The following NRXN3 variants were observed in gnomAD, a reference collection of about 807,000 sequenced individuals.
NRXN3 encodes neurexin 3.
Under a neutral mutation model 137.6 loss-of-function variants are expected in NRXN3, and 32 were observed. The observed-to-expected ratio is 0.23, with a 90% CI of 0.18 to 0.31. The LOEUF is 0.31. NRXN3 is among the 10% of genes least tolerant of loss of function. The pLI, the probability that NRXN3 is intolerant of heterozygous loss-of-function variation, is 1.00. For synonymous variants in NRXN3, 798 were observed against 784.5 expected (o/e 1.02, Z -0.29); for missense variants, 1,574 against 2,062.5 (o/e 0.76, Z 4.59).
intron 4 of NRXN3, among the ~76,000 whole-genome samples, chr14:78,587,530 G>T (rs767704162): frequency 6.6e-6 from 1 of 152,144 alleles, no homozygotes; most frequent in African/African-American, 2.4e-5. Context: ...TCTTCCAGGC[G>T]ATTCTGATTA....
At chr14:78,591,503 C>T (rs966126962) in intron 4 of NRXN3, among the ~76,000 whole-genome samples, 15 of 152,112 alleles carry the variant, frequency 9.9e-5, no homozygotes, top group African/African-American at 3.6e-4. Context: ...CTGGGCAAGT[C>T]ACTGACACTC....
Position 79,861,060 on chromosome 14 carries a change from T to C in NRXN3, c.4094-282T>C, listed in dbSNP as rs1456107798. On this transcript the variant is annotated intron_variant, in intron 20 of 20. Transcript: ENST00000335750. This position sits in a 1 kb window ranked among gnomAD's most constrained non-coding sequence, Gnocchi z 5.4. ...CCAGGAGGTGAATTAGTTATCCCTCTTCTTGTAGAAGACCCTTTAGCTACC... is the reference window on the plus strand; with the variant it reads ...CCAGGAGGTGAATTAGTTATCCCTCCTCTTGTAGAAGACCCTTTAGCTACC... 7.1e-7 allele frequency: 1 copy of C among 1,418,064 alleles called. No homozygotes were observed. Among genetic ancestry groups the C allele is most frequent in the East Asian group, 2.5e-5 (1 of 39,546 alleles). 87.8% of individuals were successfully genotyped at this position (1,418,064 alleles called of 1,614,324 possible).
At chr14:79,542,073 T>C (rs1447713972) in intron 16 of NRXN3, among the ~76,000 whole-genome samples, 1 of 152,178 alleles carries the variant, frequency 6.6e-6, no homozygotes, top group Non-Finnish European at 1.5e-5. Context: ...GTTTGCTATT[T>C]TGTGGGTGAA....
At chr14:78,695,971 A>G (rs1045395696) in intron 6 of NRXN3, among the ~76,000 whole-genome samples, 3 of 151,984 alleles carry the variant, frequency 2.0e-5, no homozygotes, top group Non-Finnish European at 4.4e-5. Flanking sequence ...CCTCTTTCAT[A>G]TAATCTAAGG....
intron 15 of NRXN3, among the ~76,000 whole-genome samples, chr14:79,113,384 T>C (rs1434373523): frequency 2.6e-5 from 4 of 152,184 alleles, no homozygotes; most frequent in Non-Finnish European, 4.4e-5. Flanking sequence ...CAGTGGCCCA[T>C]TGCTCAGTCC....
chr14:79,048,977 C>T (rs1456912953), intron 15 of NRXN3, among the ~76,000 whole-genome samples: 3 of 119,642 alleles, frequency 2.5e-5, no homozygotes, highest in Non-Finnish European at 3.2e-5. Flanking sequence ...GAGTCGAGAT[C>T]GCGCCACTGC....
chr14:78,308,812 G>T (rs76477979), intron 4 of NRXN3, among the ~76,000 whole-genome samples: 6,979 of 152,120 alleles, frequency 0.046, 492 homozygotes, highest in African/African-American at 0.15. Flanking sequence ...ATATAGAAAA[G>T]TCTCTCAACC....
chr14:79,433,178 A>G (rs1433348922), intron 15 of NRXN3, among the ~76,000 whole-genome samples: 7 of 152,232 alleles, frequency 4.6e-5, no homozygotes, highest in Non-Finnish European at 7.3e-5. Flanking sequence ...TTGGAATGCC[A>G]TATGTGCAAT....
chr14:78,506,710 G>A (rs1043475734), intron 4 of NRXN3, among the ~76,000 whole-genome samples: 8 of 145,096 alleles, frequency 5.5e-5, no homozygotes, highest in African/African-American at 2.1e-4. Flanking sequence ...ACAGGCTGGA[G>A]GGCAATGGCT....
At chr14:78,495,498 C>T (rs538090113) in intron 4 of NRXN3, among the ~76,000 whole-genome samples, 1 of 152,258 alleles carries the variant, frequency 6.6e-6, no homozygotes, top group South Asian at 2.1e-4. Context: ...AGGCTTTACA[C>T]TAATTTGCTT....
intron 18 of NRXN3, among the ~76,000 whole-genome samples, chr14:79,697,012 G>A (rs1192486516): frequency 6.6e-6 from 1 of 151,800 alleles, no homozygotes; most frequent in South Asian, 2.1e-4. Flanking sequence ...CCAGAAAATA[G>A]AATATTATGC....
chr14:78,300,723 T>C, intron 4 of NRXN3: 3 of 1,442,708 alleles, frequency 2.1e-6, no homozygotes, highest in Non-Finnish European at 2.8e-6. Flanking sequence ...TCATTATAAC[T>C]ATCAATCTGC....
Position 79,490,998 on chromosome 14 carries a change from C to G in NRXN3, c.3444+23596C>G, listed in dbSNP as rs562634048. Among the ~76,000 whole-genome samples, 4 of 152,282 alleles carry G rather than the reference C, an allele frequency of 2.6e-5. No homozygotes were observed. In the South Asian group the frequency reaches 8.3e-4, roughly 32 times the overall value. On this transcript the variant is annotated intron_variant, in intron 16 of 20. Coordinates refer to ENST00000335750, the MANE Select transcript of NRXN3 (RefSeq NM_001330195.2). ...TAAAAACATCCTTCAAACGAAGTGG[C>G]TATTTTGTTGCAAAAAATAACTATT...
chr14:79,762,073 G>A (rs2099040596), intron 19 of NRXN3, among the ~76,000 whole-genome samples: 1 of 151,500 alleles, frequency 6.6e-6, no homozygotes, highest in Non-Finnish European at 1.5e-5. Context: ...ATTTTATATT[G>A]GAAACAAGGT....
chr14:78,801,800 A>T (rs2098839920), intron 8 of NRXN3, among the ~76,000 whole-genome samples: 1 of 152,032 alleles, frequency 6.6e-6, no homozygotes, highest in African/African-American at 2.4e-5. Context: ...TACAAACCCT[A>T]CCCATCTACC....
chr14:78,788,786 T>C (rs1296718758), intron 8 of NRXN3, among the ~76,000 whole-genome samples: 2 of 152,200 alleles, frequency 1.3e-5, no homozygotes, highest in Non-Finnish European at 2.9e-5. Context: ...GCCATCTGTT[T>C]TTTAATGGTT....
At chr14:79,178,439 C>A (rs2062583251) in intron 15 of NRXN3, among the ~76,000 whole-genome samples, 1 of 152,034 alleles carries the variant, frequency 6.6e-6, no homozygotes, top group Admixed American at 6.6e-5. Context: ...TTATTGTTAA[C>A]CACCTCACAT....
intron 15 of NRXN3, among the ~76,000 whole-genome samples, chr14:79,440,875 A>G (rs967095006): frequency 2.0e-5 from 3 of 152,192 alleles, no homozygotes; most frequent in African/African-American, 4.8e-5. Flanking sequence ...GTTCTTTATT[A>G]ATAGATATAT....
intron 15 of NRXN3, among the ~76,000 whole-genome samples, chr14:79,130,088 G>A (rs957449796): frequency 4.8e-4 from 72 of 151,232 alleles, no homozygotes; most frequent in Admixed American, 1.8e-3. Context: ...ACGTGAGATG[G>A]GTTTCCTGAA....
Sources: allele counts gnomAD v4.1 joint callset (sites outside exome capture counted in the v4.1 genomes callset), GRCh38; gene constraint gnomAD v4.1.1; non-coding constraint Gnocchi (gnomAD v3.1); transcripts MANE v1.5; gene names NCBI Gene and HGNC (gene_info 2026-07-23, HGNC 2026-07-21).